Variants in WWP2 observed in about 807,000 individuals in gnomAD.
WWP2 encodes WW domain containing E3 ubiquitin protein ligase 2.
WWP2 carries 57 observed loss-of-function variants against 121.0 expected under a neutral mutation model. The observed-to-expected ratio is 0.47, with a 90% CI of 0.38 to 0.59. The LOEUF (loss-of-function observed/expected upper bound fraction) is 0.59, where lower values mean the gene tolerates loss of function less well. Ranked by LOEUF, WWP2 falls within the 20% of genes least tolerant of loss-of-function variation. The probability of loss-of-function intolerance (pLI) is 0.00; values close to 1 mark genes in which losing one functional copy is unlikely to be tolerated. For missense variants in WWP2, 962 were observed against 1,158.9 expected (o/e 0.83, Z 2.47); for synonymous variants, 449 against 441.3 (o/e 1.02, Z -0.22).
intron 8 of WWP2, among the ~76,000 whole-genome samples, chr16:69,898,630 C>T (rs1278643590): frequency 6.6e-6 from 1 of 152,008 alleles, no homozygotes; most frequent in South Asian, 2.1e-4. Context: ...TATAAATTGC[C>T]TATTTATTTT....
At chr16:69,913,220 A>T (rs1166238805) in intron 9 of WWP2, among the ~76,000 whole-genome samples, 1 of 147,888 alleles carries the variant, frequency 6.8e-6, no homozygotes, top group Non-Finnish European at 1.5e-5. Context: ...TAAAGTAGAG[A>T]TGGGGTTTCA....
At chr16:69,873,050 A>AGAG (rs958407377) in intron 7 of WWP2, among the ~76,000 whole-genome samples, 11 of 152,160 alleles carry the variant, frequency 7.2e-5, no homozygotes, top group Non-Finnish European at 1.5e-4. Context: ...AATTGTAGGT[A>AGAG]GAGGAATGCA....
chr16:69,929,671 C>T (rs2058685656), intron 12 of WWP2, 142 bp downstream of exon 12: 1 of 709,678 alleles, frequency 1.4e-6, no homozygotes, highest in South Asian at 1.8e-5. Flanking sequence ...TTGAGACTCT[C>T]ACCGTACAGA....
rs753519439 is a variant in WWP2 at position 69,909,169 on chromosome 16, G to A, written c.1004+319G>A. On this transcript the variant is annotated intron_variant, in intron 9 of 23. Transcript: ENST00000359154. ...TTATTCGGCAGGGCTTCGTGAGAAT[G>A]CCGCCAAGTTATCCAAAACCAAAGG... is the stretch of plus-strand genomic sequence containing the variant. The A allele has an allele frequency of 2.2e-4, 230 of 1,038,226 alleles. 1 individual carries two copies. The highest frequency in any genetic ancestry group is 2.6e-4 in the Non-Finnish European group (229 of 864,272). The allele number at this position is 1,038,226 out of a possible 1,614,324, so 64.3% of individuals were successfully genotyped here.
chr16:69,794,778 A>G (rs915208206), intron 2 of WWP2, among the ~76,000 whole-genome samples: 16 of 152,256 alleles, frequency 1.1e-4, no homozygotes, highest in African/African-American at 3.6e-4. Flanking sequence ...ATAAAAGAAA[A>G]AAACCAAAAA....
intron 2 of WWP2, among the ~76,000 whole-genome samples, chr16:69,793,355 A>T (rs906946581): frequency 1.3e-5 from 2 of 152,166 alleles, no homozygotes; most frequent in Admixed American, 6.5e-5. Flanking sequence ...CCATCTAAAA[A>T]AATAATAATA....
chr16:69,791,625 C>A (rs527595694), intron 2 of WWP2, among the ~76,000 whole-genome samples: 1 of 152,052 alleles, frequency 6.6e-6, no homozygotes, highest in East Asian at 1.9e-4. Context: ...CTCAAGCAAT[C>A]CTCCTGCCTC....
intron 7 of WWP2, among the ~76,000 whole-genome samples, chr16:69,884,168 A>G (rs541129895): frequency 6.6e-6 from 1 of 152,356 alleles, no homozygotes; most frequent in Non-Finnish European, 1.5e-5. Flanking sequence ...GTGTATGCAC[A>G]CAAACTCACA....
chr16:69,848,473 AGAAGC>A (rs1461281792), intron 6 of WWP2, among the ~76,000 whole-genome samples: 4 of 151,544 alleles, frequency 2.6e-5, no homozygotes, highest in Non-Finnish European at 5.9e-5. Context: ...CAAACAAACA[AGAAGC>A]GAAGTGTCAA....
chr16:69,817,358 C>T (rs1166834100), intron 4 of WWP2, among the ~76,000 whole-genome samples: 2 of 152,134 alleles, frequency 1.3e-5, no homozygotes, highest in Non-Finnish European at 2.9e-5. Context: ...AAGCGATTCT[C>T]CCATCTTAGC....
Position 69,939,138 on chromosome 16 carries a change from G to T in WWP2, c.2440+15G>T. On this transcript the variant is annotated intron_variant, in intron 22 of 23. Transcript: ENST00000359154. ...CGAACTCATCGGTATGTTTTCTCTC[G>T]CCCTCTGGCGTCCTGGCTGGCAGTG... 2 of 1,586,894 alleles carry T rather than the reference G, an allele frequency of 1.3e-6. No homozygotes were observed. Among genetic ancestry groups the T allele is most frequent in the Non-Finnish European group, 1.7e-6 (2 of 1,165,404 alleles).
intron 9 of WWP2, among the ~76,000 whole-genome samples, chr16:69,910,781 A>AT (rs2058368283): frequency 6.6e-6 from 1 of 152,146 alleles, no homozygotes; most frequent in Non-Finnish European, 1.5e-5. Context: ...TTTGCATGGA[A>AT]TTTAAGTAAA....
At chr16:69,911,422 G>C (rs1227561015) in intron 9 of WWP2, among the ~76,000 whole-genome samples, 2 of 152,198 alleles carry the variant, frequency 1.3e-5, no homozygotes, top group African/African-American at 2.4e-5. Context: ...GATCCAGGTT[G>C]GGGGGACAGT....
At chr16:69,807,982 T>C (rs2056315831) in intron 4 of WWP2, among the ~76,000 whole-genome samples, 2 of 151,944 alleles carry the variant, frequency 1.3e-5, no homozygotes, top group African/African-American at 2.4e-5. Flanking sequence ...CAAAAAACAT[T>C]CTTAGTGTTA....
chr16:69,831,670 A>T (rs2151859537), intron 4 of WWP2, among the ~76,000 whole-genome samples: 1 of 152,272 alleles, frequency 6.6e-6, no homozygotes, highest in Admixed American at 6.5e-5. Flanking sequence ...CTTTGAAGGG[A>T]GGAAAAATAA....
chr16:69,769,833 A>G (rs766228640), intron 1 of WWP2, among the ~76,000 whole-genome samples: 5 of 150,368 alleles, frequency 3.3e-5, no homozygotes, highest in Non-Finnish European at 5.9e-5. Flanking sequence ...TTCCTGGCCT[A>G]TAACTCCTAA....
At chr16:69,813,649 G>A (rs188412300) in intron 4 of WWP2, among the ~76,000 whole-genome samples, 2 of 152,062 alleles carry the variant, frequency 1.3e-5, no homozygotes, top group Admixed American at 1.3e-4. Context: ...TTGTATTTTT[G>A]TAGAGACAGG....
At chr16:69,826,168 G>A (rs1376498671) in intron 4 of WWP2, among the ~76,000 whole-genome samples, 1 of 151,386 alleles carries the variant, frequency 6.6e-6, no homozygotes, top group Admixed American at 6.6e-5. Flanking sequence ...TCAGGAGGCT[G>A]AGTCAGGAGA....
intron 9 of WWP2, among the ~76,000 whole-genome samples, chr16:69,912,132 A>G (rs1441050100): frequency 3.3e-5 from 5 of 152,082 alleles, no homozygotes. Flanking sequence ...TACTAAAAAT[A>G]CAAAAAATTA....
Sources: allele counts gnomAD v4.1 joint callset (sites outside exome capture counted in the v4.1 genomes callset), GRCh38; gene constraint gnomAD v4.1.1; transcripts MANE v1.5; gene names NCBI Gene and HGNC (gene_info 2026-07-23, HGNC 2026-07-21).